The following BPTF variants were observed in gnomAD, a reference collection of about 807,000 sequenced individuals.
BPTF encodes bromodomain PHD finger transcription factor.
A neutral mutation model predicts 292.5 loss-of-function variants in BPTF; 18 were observed. The observed-to-expected ratio is 0.06, with a 90% CI of 0.04 to 0.09. The LOEUF (loss-of-function observed/expected upper bound fraction) is 0.09. Among genes scored for constraint, BPTF ranks in the 10% least tolerant of loss-of-function variants. BPTF has a pLI of 1.00. For missense variants in BPTF, 2,726 were observed against 3,498.7 expected (o/e 0.78, Z 5.57); for synonymous variants, 1,225 against 1,251.9 (o/e 0.98, Z 0.45).
intron 27 of BPTF, among the ~76,000 whole-genome samples, chr17:67,977,440 G>A (rs1222403768): frequency 4.6e-5 from 7 of 152,092 alleles, no homozygotes; most frequent in South Asian, 2.1e-4. Flanking sequence ...GCTTGAACCC[G>A]GGAGGCACAG....
intron 4 of BPTF, among the ~76,000 whole-genome samples, chr17:67,880,031 C>T (rs1469301083): frequency 3.9e-5 from 6 of 152,114 alleles, no homozygotes; most frequent in Non-Finnish European, 7.4e-5. Flanking sequence ...TTCTTAGGTT[C>T]ATTTTCTTTA....
chr17:67,927,955 C>T lies in BPTF; in HGVS notation c.5752-400C>T, dbSNP rs1486558009. ...CTGGAGTGCAGTGGCATGATCTCAG[C>T]TTACTGCAACCTCTGCCGCCTGGGT... On this transcript the variant is annotated intron_variant, in intron 15 of 27. Transcript: ENST00000306378. Among the ~76,000 whole-genome samples, 4 of 151,982 alleles carry T rather than the reference C, an allele frequency of 2.6e-5. No individual in the cohort carries two copies. In the East Asian group the frequency reaches 7.7e-4, roughly 29 times the overall value.
At chr17:67,898,424 T>C (rs973365456) in intron 7 of BPTF, among the ~76,000 whole-genome samples, 3 of 152,184 alleles carry the variant, frequency 2.0e-5, no homozygotes, top group African/African-American at 4.8e-5. Context: ...AGAAGGTATT[T>C]TATCTAAGTT....
intron 3 of BPTF, among the ~76,000 whole-genome samples, chr17:67,873,759 A>G (rs1277330607): frequency 6.6e-6 from 1 of 152,202 alleles, no homozygotes; most frequent in Non-Finnish European, 1.5e-5. Context: ...ATATAGATGT[A>G]TATATTTATG....
intron 2 of BPTF, among the ~76,000 whole-genome samples, chr17:67,862,111 G>T (rs903158738): frequency 6.6e-6 from 1 of 152,106 alleles, no homozygotes; most frequent in Admixed American, 6.5e-5. Context: ...AAGTAGCTGG[G>T]ATTACAGGTG....
chr17:67,866,405 C>G, intron 2 of BPTF, 59 bp from the exon 3 acceptor site: 1 of 1,299,802 alleles, frequency 7.7e-7, no homozygotes, highest in Non-Finnish European at 1.1e-6. Context: ...GGTAGATGAA[C>G]TGTCAGATAA....
rs547073071 is a variant in BPTF, at chr17:67,957,512, G to A, written c.7927-2029G>A. ...AGGGTAGGAATTGAAGACCAGCCTA[G>A]CCTACATGGTGAAACCCTGTCTCTA... On this transcript the variant is annotated intron_variant, in intron 23 of 27. Transcript: ENST00000306378. 2.6e-5 allele frequency among the ~76,000 whole-genome samples: 4 copies of A among 152,184 alleles called. No homozygotes were observed. The Middle Eastern group carries it at 0.014, about 518-fold the overall frequency.
chr17:67,891,934 C>A lies in BPTF; in HGVS notation c.1955C>A (p.Thr652Asn). The A allele has an allele frequency of 6.2e-7, 1 of 1,613,002 alleles. No homozygotes were observed. Among genetic ancestry groups the A allele is most frequent in the Non-Finnish European group, 8.5e-7 (1 of 1,179,598 alleles). ...GCATCTGGCTCAACTCGAATCATCA[C>A]CAGATTGCGGAATCCAGATAGCAAA... ...KGASGSTRII[T>N]RLRNPDSKLS... The change falls in exon 5 of 28, where the codon ACC becomes AAC. Residue 652 changes from threonine to asparagine, a missense_variant. Physicochemically the swap from Thr to Asn is moderately conservative, Grantham distance 65. Coordinates refer to ENST00000306378, the MANE Select transcript of BPTF (RefSeq NM_182641.4).
intron 26 of BPTF, among the ~76,000 whole-genome samples, chr17:67,972,790 A>G (rs78191537): frequency 0.021 from 3,132 of 151,844 alleles, 43 homozygotes; most frequent in Non-Finnish European, 0.029. Flanking sequence ...ACTTTATTAA[A>G]ATGAAAATTA....
At chr17:67,921,763 G>A (rs994027682) in intron 13 of BPTF, among the ~76,000 whole-genome samples, 4 of 152,062 alleles carry the variant, frequency 2.6e-5, no homozygotes, top group African/African-American at 9.7e-5. Context: ...CAGGTGCGGT[G>A]GCTTCCGCCT....
At chr17:67,954,301 G>C (rs1422576352) in intron 23 of BPTF, among the ~76,000 whole-genome samples, 2 of 151,966 alleles carry the variant, frequency 1.3e-5, no homozygotes, top group African/African-American at 4.8e-5. Flanking sequence ...CCAAAGTGCT[G>C]GGATTACAGG....
At chr17:67,926,523 A>C (rs2063916514) in intron 15 of BPTF, among the ~76,000 whole-genome samples, 1 of 150,920 alleles carries the variant, frequency 6.6e-6, no homozygotes, top group South Asian at 2.1e-4. Flanking sequence ...ACGGGGTTTC[A>C]CTGTGTTAGC....
intron 14 of BPTF, among the ~76,000 whole-genome samples, chr17:67,924,161 A>G (rs2063673327): frequency 1.3e-5 from 2 of 151,938 alleles, no homozygotes; most frequent in Non-Finnish European, 2.9e-5. Context: ...TTGTATTTTT[A>G]GTAGAGATGG....
intron 7 of BPTF, among the ~76,000 whole-genome samples, chr17:67,897,122 T>C (rs111867548): frequency 0.079 from 11,973 of 151,190 alleles, 1,623 homozygotes; most frequent in African/African-American, 0.28. Context: ...AGGTCGGGAA[T>C]TCGAGACCAG....
intron 1 of BPTF, among the ~76,000 whole-genome samples, chr17:67,851,565 ATATTAG>A (rs2058409479): frequency 6.6e-6 from 1 of 152,212 alleles, no homozygotes; most frequent in South Asian, 2.1e-4. Flanking sequence ...AGGAGAGAAG[ATATTAG>A]TATAAGGCAT....
intron 8 of BPTF, among the ~76,000 whole-genome samples, chr17:67,904,248 TG>T (rs10708715): frequency 0.12 from 17,893 of 152,176 alleles, 3,490 homozygotes; most frequent in African/African-American, 0.4. Context: ...AGGTGAGTCT[TG>T]GAACTCCTGA....
At chr17:67,889,136 G>T (rs189918548) in intron 4 of BPTF, among the ~76,000 whole-genome samples, 1 of 152,116 alleles carries the variant, frequency 6.6e-6, no homozygotes, top group African/African-American at 2.4e-5. Context: ...TAGATCTGTA[G>T]CCTGCTGCCA....
chr17:67,867,813 C>A (rs888497622), intron 3 of BPTF, among the ~76,000 whole-genome samples: 1 of 152,120 alleles, frequency 6.6e-6, no homozygotes, highest in Non-Finnish European at 1.5e-5. Flanking sequence ...CGTGACTTAC[C>A]ACTGATGATG....
intron 23 of BPTF, chr17:67,956,249 G>A (rs1555680953): frequency 6.6e-6 from 1 of 150,704 alleles, no homozygotes; most frequent in African/African-American, 2.4e-5. Flanking sequence ...AACCCGGGAG[G>A]CGGAGCTTGC....
Sources: allele counts gnomAD v4.1 joint callset (sites outside exome capture counted in the v4.1 genomes callset), GRCh38; gene constraint gnomAD v4.1.1; transcripts MANE v1.5; gene names NCBI Gene and HGNC (gene_info 2026-07-23, HGNC 2026-07-21).